The following OAS1 variants were observed in gnomAD, a reference collection of about 807,000 sequenced individuals.
The protein encoded by OAS1 is 2'-5'-oligoadenylate synthetase 1.
A neutral mutation model predicts 38.5 loss-of-function variants in OAS1; 24 were observed. The observed-to-expected ratio is 0.62, with a 90% CI of 0.45 to 0.88. The LOEUF is 0.88. OAS1 is among the 40% of genes least tolerant of loss of function. The pLI, the probability that OAS1 is intolerant of heterozygous loss-of-function variation, is 0.00. For missense variants in OAS1, 482 were observed against 493.9 expected (o/e 0.98, Z 0.23); for synonymous variants, 169 against 193.9 (o/e 0.87, Z 1.07).
Position 112,911,094 on chromosome 12 carries a change from C to T in OAS1, c.513C>T (p.Val171=), listed in dbSNP as rs1000290508. The T allele has an allele frequency of 1.2e-6, 2 of 1,614,054 alleles. No individual in the cohort carries two copies. The highest frequency in any genetic ancestry group is 1.7e-6 in the Non-Finnish European group (2 of 1,179,980). The change falls in exon 3 of 6, where the codon GTC becomes GTT. Residue 171 remains valine (V), a synonymous_variant. Coordinates refer to ENST00000202917, the MANE Select transcript of OAS1 (RefSeq NM_016816.4). ...ATAAACCTAACCCCCAAATCTATGTCAAGCTCATCGAGGAGTGCACCGACC... is the reference window on the plus strand; with the variant it reads ...ATAAACCTAACCCCCAAATCTATGTTAAGCTCATCGAGGAGTGCACCGACC... ...GGYKPNPQIY[V]KLIEECTDLQ... is the part of the protein sequence containing the mutation.
chr12:112,912,595 C>A (rs1027060674), intron 3 of OAS1, among the ~76,000 whole-genome samples: 9 of 152,142 alleles, frequency 5.9e-5, no homozygotes, highest in Non-Finnish European at 1.5e-5. Flanking sequence ...TTTACAAAAG[C>A]AGTTCCTGAC....
chr12:112,928,963 CT>C (rs2043579643), intron 6 of OAS1, among the ~76,000 whole-genome samples: 1 of 152,216 alleles, frequency 6.6e-6, no homozygotes, highest in African/African-American at 2.4e-5. Context: ...CTGGGAACCT[CT>C]GTAAGTCCCT....
downstream of OAS1, among the ~76,000 whole-genome samples, chr12:112,924,630 A>T (rs1230425826): frequency 6.6e-6 from 1 of 152,044 alleles, no homozygotes; most frequent in African/African-American, 2.4e-5. Context: ...TTGTTTCAGT[A>T]CTATCGTACT....
chr12:112,918,953 C>A (rs2043500935), intron 5 of OAS1: 1 of 250,724 alleles, frequency 4.0e-6, no homozygotes, highest in South Asian at 4.9e-5. Context: ...CTGGAACCAG[C>A]ACTCAGGGAA....
intron 3 of OAS1, among the ~76,000 whole-genome samples, chr12:112,914,871 C>T (rs1593159106): frequency 1.3e-5 from 2 of 151,918 alleles, no homozygotes; most frequent in African/African-American, 4.8e-5. Flanking sequence ...GGTATATCTC[C>T]TAATGCTATC....
At chr12:112,930,388 G>A (rs1330160978) in intron 6 of OAS1, among the ~76,000 whole-genome samples, 3 of 152,236 alleles carry the variant, frequency 2.0e-5, no homozygotes, top group Admixed American at 1.3e-4. Context: ...ACCTGCCCAA[G>A]GGCACACCAC....
intron 6 of OAS1, among the ~76,000 whole-genome samples, chr12:112,927,396 G>T (rs4766674): frequency 0.74 from 113,087 of 152,018 alleles, 43,360 homozygotes; most frequent in African/African-American, 0.94. Flanking sequence ...CTGGTCACAC[G>T]TCATTCAGAG....
chr12:112,929,325 C>A (rs894297442), intron 6 of OAS1, among the ~76,000 whole-genome samples: 1 of 152,182 alleles, frequency 6.6e-6, no homozygotes, highest in East Asian at 1.9e-4. Context: ...GAATATCACA[C>A]CCCCATCCAT....
intron 6 of OAS1, among the ~76,000 whole-genome samples, chr12:112,928,772 C>G (rs1424842756): frequency 6.6e-6 from 1 of 152,214 alleles, no homozygotes; most frequent in Non-Finnish European, 1.5e-5. Flanking sequence ...TGGGAAGTAA[C>G]CATCGTCTTT....
downstream of OAS1, among the ~76,000 whole-genome samples, chr12:112,924,012 G>A (rs1379251448): frequency 6.6e-6 from 1 of 152,328 alleles, no homozygotes; most frequent in Non-Finnish European, 1.5e-5. Flanking sequence ...AGTGATTTCA[G>A]GGATGTGACA....
At chr12:112,919,021 G>T (rs1165046099) in intron 5 of OAS1, 3 of 285,306 alleles carry the variant, frequency 1.1e-5, no homozygotes, top group Non-Finnish European at 2.1e-5. Context: ...AGTGAACAGG[G>T]ATGCAGAGCG....
chr12:112,926,946 G>C lies in OAS1; in HGVS notation c.1168-4932G>C, dbSNP rs555024029. On this transcript the variant is annotated intron_variant, in intron 6 of 6. Coordinates refer to the OAS1 transcript ENST00000540589. ...GTTAATTATTAATATTCCTTACTGG[G>C]GAAAGAATTCAGGGATATTTCTCTT... is the stretch of plus-strand genomic sequence containing the variant. Among the ~76,000 whole-genome samples, 6 of 152,218 alleles carry C rather than the reference G, an allele frequency of 3.9e-5. No individual in the cohort carries two copies. In the South Asian group the frequency reaches 1.2e-3, roughly 32 times the overall value.
Position 112,911,171 on chromosome 12 carries a change from TC to T in OAS1, c.592del (p.Leu198Ter), listed in dbSNP as rs764296208. 1.7e-5 allele frequency: 28 copies of T among 1,613,792 alleles called. No homozygotes were observed. Among genetic ancestry groups the T allele is most frequent in the Non-Finnish European group, 2.2e-5 (26 of 1,179,954 alleles). On this transcript the variant is annotated frameshift_variant, in exon 3 of 6. Transcript: ENST00000202917. LOFTEE classifies it high-confidence loss of function. ...STCFTELQRD[F>X]LKQRPTKLKS... ...TGCTTCACAGAACTACAGAGAGACT[TC>T]CTGAAGCAGCGCCCCACCAAGCTCA...
downstream of OAS1, among the ~76,000 whole-genome samples, chr12:112,921,846 C>T (rs1235958714): frequency 1.3e-5 from 2 of 152,182 alleles, no homozygotes; most frequent in Admixed American, 6.5e-5. Flanking sequence ...TCAAAGGTAT[C>T]CCCATGACCT....
At chr12:112,918,443 G>A (rs533413945) in intron 5 of OAS1, 7 of 330,466 alleles carry the variant, frequency 2.1e-5, no homozygotes, top group South Asian at 9.6e-5. Flanking sequence ...ATCGTACTGC[G>A]ATAAACATAC....
At chr12:112,907,316 G>A in intron 1 of OAS1, 97 bp downstream of exon 1, 1 of 1,279,708 alleles carries the variant, frequency 7.8e-7, no homozygotes, top group Non-Finnish European at 1.1e-6. Context: ...CAAAAACCTA[G>A]AACCCAGGGT....
intron 6 of OAS1, among the ~76,000 whole-genome samples, chr12:112,928,402 T>A (rs965097859): frequency 2.6e-5 from 4 of 152,232 alleles, no homozygotes; most frequent in African/African-American, 9.6e-5. Flanking sequence ...CTTCCAAGTG[T>A]ATTGGTTAGT....
chr12:112,908,574 A>G lies in OAS1; in HGVS notation c.219A>G (p.Arg73=), dbSNP rs781349590. 2 of 1,614,108 alleles carry G rather than the reference A, an allele frequency of 1.2e-6. No individual in the cohort carries two copies. The highest frequency in any genetic ancestry group is 3.3e-5 in the Admixed American group (2 of 60,010). ...GCAAGGGCACCACCCTCAGAGGCCG[A>G]TCTGACGCTGACCTGGTTGTCTTCC... is the stretch of plus-strand genomic sequence containing the variant. ...SSGKGTTLRG[R]SDADLVVFLS... The change falls in exon 2 of 6, where the codon CGA becomes CGG. Residue 73 remains arginine (R), a synonymous_variant. Coordinates refer to ENST00000202917, the MANE Select transcript of OAS1 (RefSeq NM_016816.4).
At position 112,919,386 on chromosome 12, in the gene OAS1, C is replaced by A; in HGVS notation, c.1039-3C>A. The A allele has an allele frequency of 6.2e-7, 1 of 1,609,768 alleles. No individual in the cohort carries two copies. The highest frequency in any genetic ancestry group is 8.5e-7 in the Non-Finnish European group (1 of 1,177,038). On this transcript the variant is annotated splice_polypyrimidine_tract_variant and splice_region_variant and intron_variant, in intron 5 of 5. Coordinates refer to ENST00000202917, the MANE Select transcript of OAS1 (RefSeq NM_016816.4). ...GATGTGATCATGTGTCTCACCCTTT[C>A]AGGCTGAAAGCAACAGTGCAGACGA...
Sources: allele counts gnomAD v4.1 joint callset (sites outside exome capture counted in the v4.1 genomes callset), GRCh38; gene constraint gnomAD v4.1.1; transcripts MANE v1.5; gene names NCBI Gene and HGNC (gene_info 2026-07-23, HGNC 2026-07-21).